Variants in MAP2K5 observed in about 807,000 individuals in gnomAD.
The protein encoded by MAP2K5 is dual specificity mitogen-activated protein kinase kinase 5.
In MAP2K5, 49 loss-of-function variants were observed where a neutral mutation model predicts 83.1. The observed-to-expected ratio is 0.59, with a 90% CI of 0.47 to 0.75. MAP2K5 has a LOEUF of 0.75. Ranked by LOEUF, MAP2K5 falls within the 30% of genes least tolerant of loss-of-function variation. MAP2K5 has a pLI of 0.00. For synonymous variants in MAP2K5, 202 were observed against 191.8 expected, an observed-to-expected ratio of 1.05 and a Z score of -0.44; for missense variants, 457 against 557.5, an observed-to-expected ratio of 0.82 and a Z score of 1.82.
At chr15:67,767,462 C>T (rs945590110) in intron 19 of MAP2K5, among the ~76,000 whole-genome samples, 4 of 152,174 alleles carry the variant, frequency 2.6e-5, no homozygotes, top group African/African-American at 9.6e-5. Context: ...ACTTTCAGTA[C>T]TACACCCTCA....
At chr15:67,663,904 G>A (rs1279709262) in intron 12 of MAP2K5, among the ~76,000 whole-genome samples, 1 of 152,068 alleles carries the variant, frequency 6.6e-6, no homozygotes, top group Non-Finnish European at 1.5e-5. Context: ...GGTCATAAGT[G>A]TCATGACTTC....
intron 12 of MAP2K5, among the ~76,000 whole-genome samples, chr15:67,663,168 A>C (rs1238281295): frequency 2.6e-5 from 4 of 152,210 alleles, no homozygotes; most frequent in African/African-American, 7.2e-5. Flanking sequence ...GAACAAACAC[A>C]TTATCTTACA....
chr15:67,642,766 A>C (rs954920445), intron 9 of MAP2K5, among the ~76,000 whole-genome samples: 2 of 152,192 alleles, frequency 1.3e-5, no homozygotes, highest in Non-Finnish European at 2.9e-5. Context: ...CTTGAATGTC[A>C]TGCTAGAGTT....
chr15:67,599,755 T>C (rs1231208027), intron 7 of MAP2K5, among the ~76,000 whole-genome samples: 1 of 152,144 alleles, frequency 6.6e-6, no homozygotes, highest in Non-Finnish European at 1.5e-5. Flanking sequence ...ACACCTTTAT[T>C]AAATCCACTT....
Position 67,777,889 on chromosome 15 carries a change from A to G in MAP2K5, c.1242+5137A>G, listed in dbSNP as rs556020352. On this transcript the variant is annotated intron_variant, in intron 21 of 21. Transcript: ENST00000178640. This position sits in a 1 kb window ranked among gnomAD's most constrained non-coding sequence, Gnocchi z 6.0. ...TTAGGCACCTAAAAAGAAACACAGG[A>G]TGCAGTTTGCAATTGAAATTTGACA... 2.0e-5 allele frequency among the ~76,000 whole-genome samples: 3 copies of G among 152,342 alleles called. No individual in the cohort carries two copies. Among genetic ancestry groups the G allele is most frequent in the African/African-American group, 7.2e-5 (3 of 41,576 alleles).
chr15:67,699,511 A>G (rs1483165000), intron 15 of MAP2K5, among the ~76,000 whole-genome samples: 1 of 152,232 alleles, frequency 6.6e-6, no homozygotes, highest in Non-Finnish European at 1.5e-5. Flanking sequence ...AACTATGACC[A>G]TAGCCTAGCC....
At chr15:67,582,352 G>A (rs1006085061) in intron 4 of MAP2K5, among the ~76,000 whole-genome samples, 21 of 152,048 alleles carry the variant, frequency 1.4e-4, no homozygotes, top group Non-Finnish European at 2.4e-4. Flanking sequence ...GAGCCACCAC[G>A]CCCAGCCAGG....
rs550313453 is a variant in MAP2K5, at chr15:67,587,775, C to T, written c.431+862C>T. 6.6e-6 allele frequency among the ~76,000 whole-genome samples: 1 copy of T among 152,320 alleles called. No homozygotes were observed. Among genetic ancestry groups the T allele is most frequent in the East Asian group, 1.9e-4 (1 of 5,184 alleles). ...TAGATTTTCTGTCTCAGTAAATTCT[C>T]CCACATCCAGTCCATTGCTAACTCC... is the stretch of plus-strand genomic sequence containing the variant. On this transcript the variant is annotated intron_variant, in intron 6 of 21. Coordinates refer to ENST00000178640, the MANE Select transcript of MAP2K5 (RefSeq NM_145160.3). The surrounding 1 kb of genome is among the most constrained non-coding windows in gnomAD (Gnocchi z 4.8).
intron 12 of MAP2K5, among the ~76,000 whole-genome samples, chr15:67,664,276 T>C (rs2087313343): frequency 7.2e-6 from 1 of 138,666 alleles, no homozygotes. Flanking sequence ...GGAGGATCAC[T>C]TAAGCCCAGG....
rs2084700817 is a variant in MAP2K5 at position 67,559,869 on chromosome 15, A to G, written c.185-3414A>G. Among the ~76,000 whole-genome samples the G allele has an allele frequency of 6.6e-6, 1 of 152,214 alleles. No homozygotes were observed. The highest frequency in any genetic ancestry group is 6.5e-5 in the Admixed American group (1 of 15,282). ...GTCAGATGGCAAAGAACCTCCATGT[A>G]TAAGATAGAAAAAGCTCAAATTATT... On this transcript the variant is annotated intron_variant, in intron 2 of 21. Coordinates refer to ENST00000178640, the MANE Select transcript of MAP2K5 (RefSeq NM_145160.3). This position sits in a 1 kb window ranked among gnomAD's most constrained non-coding sequence, Gnocchi z 4.7.
chr15:67,568,089 T>G (rs1196208754), intron 3 of MAP2K5, among the ~76,000 whole-genome samples: 1 of 152,198 alleles, frequency 6.6e-6, no homozygotes, highest in East Asian at 1.9e-4. Context: ...AACACAGTAT[T>G]AACAAAAATA....
At chr15:67,566,331 C>G (rs532722920) in intron 3 of MAP2K5, among the ~76,000 whole-genome samples, 1 of 152,058 alleles carries the variant, frequency 6.6e-6, no homozygotes, top group Non-Finnish European at 1.5e-5. Context: ...CCCGCCACCA[C>G]GCACGGCTAA....
rs1319174828 is a variant in MAP2K5, at chr15:67,638,064, T to G, written c.585+7137T>G. Reference sequence around the variant, plus strand: ...ATTAAAAAAGTTAATTTTTTTAACTTTTAATTTAACTTTTTTAATTTAACT... The same window carrying G: ...ATTAAAAAAGTTAATTTTTTTAACTGTTAATTTAACTTTTTTAATTTAACT... On this transcript the variant is annotated intron_variant, in intron 9 of 21. Transcript: ENST00000178640. This position sits in a 1 kb window ranked among gnomAD's most constrained non-coding sequence, Gnocchi z 4.5. Among the ~76,000 whole-genome samples the G allele has an allele frequency of 6.6e-6, 1 of 152,088 alleles. No homozygotes were observed. Among genetic ancestry groups the G allele is most frequent in the Non-Finnish European group, 1.5e-5 (1 of 68,026 alleles).
chr15:67,737,658 C>T (rs746032417), intron 17 of MAP2K5, among the ~76,000 whole-genome samples: 3 of 151,838 alleles, frequency 2.0e-5, no homozygotes, highest in East Asian at 3.9e-4. Flanking sequence ...CCAGAGACCA[C>T]GAGGAGCTAG....
intron 21 of MAP2K5, among the ~76,000 whole-genome samples, chr15:67,773,998 T>C (rs1428744745): frequency 1.3e-5 from 2 of 152,228 alleles, no homozygotes; most frequent in Non-Finnish European, 2.9e-5. Flanking sequence ...GTTTCAATGC[T>C]GCAATGAGTT....
At chr15:67,678,621 G>A (rs2087737859) in intron 13 of MAP2K5, among the ~76,000 whole-genome samples, 1 of 152,114 alleles carries the variant, frequency 6.6e-6, no homozygotes, top group Non-Finnish European at 1.5e-5. Flanking sequence ...TTTCTTTTCT[G>A]GCAAAAGAAA....
rs1310874574 is a variant in MAP2K5, at chr15:67,774,156, GATGTGTGTGT to G, written c.1242+1415_1242+1424del. On this transcript the variant is annotated intron_variant, in intron 21 of 21. Transcript: ENST00000178640. The surrounding 1 kb of genome is among the most constrained non-coding windows in gnomAD (Gnocchi z 4.9). ...TACTTTCAGTGCCTTGAAAGCAAGT[GATGTGTGTGT>G]ATGTGTGTGTGTGTGTGTGTGTGTG... 5.4e-4 allele frequency among the ~76,000 whole-genome samples: 54 copies of G among 99,196 alleles called. No individual in the cohort carries two copies. The highest frequency in any genetic ancestry group is 3.0e-3 in the East Asian group (11 of 3,704). 65.1% of individuals were successfully genotyped at this position (99,196 alleles called of 152,430 possible). A position where few individuals can be genotyped will look rare whatever the true frequency, so the allele number is the denominator to read the frequency against.
At chr15:67,588,069 T>C (rs1311736183) in intron 6 of MAP2K5, 1 of 984,884 alleles carries the variant, frequency 1.0e-6, no homozygotes, top group African/African-American at 1.7e-5. Flanking sequence ...GCTGCAGTCA[T>C]TCCCTGCTTT....
At chr15:67,663,684 A>G (rs2141151781) in intron 12 of MAP2K5, among the ~76,000 whole-genome samples, 1 of 152,142 alleles carries the variant, frequency 6.6e-6, no homozygotes, top group East Asian at 1.9e-4. Context: ...ACCAGCCTTG[A>G]CAACAAAACA....
Sources: allele counts gnomAD v4.1 joint callset (sites outside exome capture counted in the v4.1 genomes callset), GRCh38; gene constraint gnomAD v4.1.1; non-coding constraint Gnocchi (gnomAD v3.1); transcripts MANE v1.5; gene names NCBI Gene and HGNC (gene_info 2026-07-23, HGNC 2026-07-21).